The following HMCN1 variants were observed in gnomAD, a reference collection of about 807,000 sequenced individuals.
HMCN1 encodes the protein hemicentin 1, also known as hemicentin-1.
HMCN1 carries 321 observed loss-of-function variants against 625.9 expected under a neutral mutation model. The observed-to-expected ratio is 0.51, with a 90% CI of 0.47 to 0.56. HMCN1 has a LOEUF of 0.56. Among genes scored for constraint, HMCN1 ranks in the 20% least tolerant of loss-of-function variants. The probability of loss-of-function intolerance (pLI) is 0.00; values close to 1 mark genes in which losing one functional copy is unlikely to be tolerated. For missense variants in HMCN1, 6,588 were observed against 6,887.3 expected (o/e 0.96, Z 1.54); for synonymous variants, 2,425 against 2,417.6 (o/e 1.00, Z -0.09).
chr1:186,189,866 C>G lies in HMCN1; in HGVS notation c.16896C>G (p.Ala5632=). Residue 5632 remains alanine, a synonymous_variant, in exon 107 of 107, where the codon GCC becomes GCG. Coordinates refer to ENST00000271588, the MANE Select transcript of HMCN1 (RefSeq NM_031935.3). ...TCATAGTTTATATAGCTGTGTCCGC[C>G]TATCCATACTAAGGAACTCTCCAAA... ...TTFIVYIAVS[A]YPY 6.2e-7 allele frequency: 1 copy of G among 1,613,600 alleles called. No homozygotes were observed. Among genetic ancestry groups the G allele is most frequent in the Non-Finnish European group, 8.5e-7 (1 of 1,179,792 alleles).
At chr1:185,744,698 T>C (rs1654265842) in intron 1 of HMCN1, among the ~76,000 whole-genome samples, 1 of 152,172 alleles carries the variant, frequency 6.6e-6, no homozygotes, top group South Asian at 2.1e-4. Flanking sequence ...TGAATTAAGA[T>C]GGTGGTGGTC....
intron 14 of HMCN1, among the ~76,000 whole-genome samples, chr1:185,969,354 A>G (rs1650637051): frequency 6.6e-6 from 1 of 152,166 alleles, no homozygotes; most frequent in South Asian, 2.1e-4. Flanking sequence ...TTGCTGATGT[A>G]ATTTTTTTCT....
At chr1:186,086,186 G>A (rs1011004528) in intron 57 of HMCN1, 60 bp from the exon 58 acceptor site, 4 of 1,450,286 alleles carry the variant, frequency 2.8e-6, no homozygotes, top group Non-Finnish European at 3.9e-6. Context: ...TTTATATTTA[G>A]TAAATGGGAA....
At chr1:186,090,945 T>C (rs770241475) in intron 64 of HMCN1, 28 bp downstream of exon 64, 1 of 1,602,654 alleles carries the variant, frequency 6.2e-7, no homozygotes, top group Admixed American at 1.7e-5. Flanking sequence ...CTTTCCATTA[T>C]AAATTGTAAG....
chr1:186,148,032 T>G (rs994352363), intron 93 of HMCN1, among the ~76,000 whole-genome samples: 3 of 152,232 alleles, frequency 2.0e-5, no homozygotes, highest in Non-Finnish European at 4.4e-5. Context: ...CAGTAAAACT[T>G]TCAAAGTTTG....
At chr1:186,119,634 T>A in intron 78 of HMCN1, 111 bp from the exon 79 acceptor site, 1 of 1,112,958 alleles carries the variant, frequency 9.0e-7, no homozygotes, top group Admixed American at 2.0e-5. Flanking sequence ...GGCAATCAAA[T>A]CACTAATATT....
chr1:186,063,456 A>G (rs1486611180), intron 48 of HMCN1, among the ~76,000 whole-genome samples: 1 of 13,044 alleles, frequency 7.7e-5, no homozygotes, highest in Non-Finnish European at 1.2e-4. Context: ...GAGAGAAGGA[A>G]GGAAGGAAGG....
At chr1:186,056,834 G>A (rs1657359353) in intron 45 of HMCN1, among the ~76,000 whole-genome samples, 1 of 151,664 alleles carries the variant, frequency 6.6e-6, no homozygotes, top group African/African-American at 2.4e-5. Flanking sequence ...CATACCCCAA[G>A]CCTCAGCATC....
Position 186,103,614 on chromosome 1 carries a change from G to A in HMCN1, c.10716G>A (p.Thr3572=), listed in dbSNP as rs751195555. 31 of 1,613,626 alleles carry A rather than the reference G, an allele frequency of 1.9e-5. No homozygotes were observed. The highest frequency in any genetic ancestry group is 6.6e-5 in the South Asian group (6 of 91,052). ...WMKDGRPLPQ[T]DQVQTLGGGE... Reference sequence around the variant, plus strand: ...AAGATGGCCGGCCCCTTCCACAGACGGATCAAGTGCAAACTCTAGGAGGAG... The same window carrying A: ...AAGATGGCCGGCCCCTTCCACAGACAGATCAAGTGCAAACTCTAGGAGGAG... Residue 3572 remains threonine (T), a synonymous_variant, in exon 69 of 107, where the codon ACG becomes ACA. Transcript: ENST00000271588.
intron 11 of HMCN1, among the ~76,000 whole-genome samples, chr1:185,959,363 G>A (rs1471282706): frequency 6.6e-6 from 1 of 151,998 alleles, no homozygotes; most frequent in Non-Finnish European, 1.5e-5. Context: ...GCAGTGAGAT[G>A]GCTGTTTTCA....
At chr1:186,045,944 C>G (rs1051689902) in intron 41 of HMCN1, 81 bp downstream of exon 41, 5 of 991,424 alleles carry the variant, frequency 5.0e-6, no homozygotes, top group Admixed American at 2.0e-5. Flanking sequence ...GCGTGACTGT[C>G]TTTTATAAGT....
At chr1:185,842,452 A>G (rs548355693) in intron 1 of HMCN1, among the ~76,000 whole-genome samples, 180 of 152,220 alleles carry the variant, frequency 1.2e-3, no homozygotes, top group African/African-American at 4.2e-3. Flanking sequence ...GGTGGCAGCT[A>G]CTTGGGAGGC....
chr1:186,166,895 G>T lies in HMCN1; in HGVS notation c.15527G>T (p.Arg5176Leu), dbSNP rs150494959. ...NTIGSYRCVV[R>L]CGSGFRRTSD... is the part of the protein sequence containing the mutation. Reference sequence around the variant, plus strand: ...ATTGGATCTTATCGCTGTGTGGTCCGTTGTGGAAGTGGCTTTCGAAGAACC... The same window carrying T: ...ATTGGATCTTATCGCTGTGTGGTCCTTTGTGGAAGTGGCTTTCGAAGAACC... The change falls in exon 100 of 107, where the codon CGT (arginine) becomes CTT (leucine). Residue 5176 changes from arginine to leucine, a missense_variant. Physicochemically the swap from Arg to Leu is moderately radical, Grantham distance 102. Coordinates refer to ENST00000271588, the MANE Select transcript of HMCN1 (RefSeq NM_031935.3). The T allele has an allele frequency of 6.2e-6, 10 of 1,614,132 alleles. No homozygotes were observed. In the East Asian group the frequency reaches 1.3e-4, roughly 22 times the overall value.
chr1:186,131,496 C>G (rs924954111), intron 85 of HMCN1, among the ~76,000 whole-genome samples: 3 of 152,036 alleles, frequency 2.0e-5, no homozygotes, highest in Non-Finnish European at 2.9e-5. Context: ...TTTAAAATTC[C>G]TAAAACTGTA....
At chr1:185,903,164 C>G (rs1558053637) in intron 4 of HMCN1, among the ~76,000 whole-genome samples, 1 of 151,782 alleles carries the variant, frequency 6.6e-6, no homozygotes, top group Non-Finnish European at 1.5e-5. Context: ...TACCTTGACA[C>G]TTTAAAATAA....
At chr1:186,108,869 G>A (rs982458900) in intron 71 of HMCN1, among the ~76,000 whole-genome samples, 1 of 152,148 alleles carries the variant, frequency 6.6e-6, no homozygotes, top group Non-Finnish European at 1.5e-5. Context: ...ATTTCCTAGC[G>A]CCCATGCATT....
intron 41 of HMCN1, among the ~76,000 whole-genome samples, chr1:186,046,634 G>A (rs1394388685): frequency 6.6e-6 from 1 of 152,074 alleles, no homozygotes; most frequent in Non-Finnish European, 1.5e-5. Context: ...CATTTTAGGG[G>A]GTGGCAAAAG....
chr1:186,023,253 G>A (rs1213197669), intron 36 of HMCN1, 100 bp downstream of exon 36: 4 of 837,642 alleles, frequency 4.8e-6, no homozygotes, highest in Non-Finnish European at 7.3e-6. Context: ...AGAAACAGGT[G>A]TTTATTTTCT....
chr1:186,087,170 G>C (rs761558486), intron 58 of HMCN1, 47 bp from the exon 59 acceptor site: 2 of 1,200,670 alleles, frequency 1.7e-6, no homozygotes, highest in Non-Finnish European at 2.5e-6. Flanking sequence ...ATAGTTGTTA[G>C]AACAACCTGT....
Sources: allele counts gnomAD v4.1 joint callset (sites outside exome capture counted in the v4.1 genomes callset), GRCh38; gene constraint gnomAD v4.1.1; transcripts MANE v1.5; gene names NCBI Gene and HGNC (gene_info 2026-07-23, HGNC 2026-07-21).